The following THSD4 variants were observed in gnomAD, a reference collection of about 807,000 sequenced individuals.
THSD4 encodes thrombospondin type 1 domain containing 4.
In THSD4, 69 loss-of-function variants were observed where a neutral mutation model predicts 119.0. That is an observed-to-expected ratio of 0.58 (90% CI 0.48 to 0.71). The LOEUF (loss-of-function observed/expected upper bound fraction) is 0.71. Ranked by LOEUF, THSD4 falls within the 30% of genes least tolerant of loss-of-function variation. The probability of loss-of-function intolerance (pLI) is 0.00; values close to 1 mark genes in which losing one functional copy is unlikely to be tolerated. For synonymous variants in THSD4, 524 were observed against 540.4 expected (o/e 0.97, Z 0.42); for missense variants, 1,393 against 1,391.1 (o/e 1.00, Z -0.02).
intron 7 of THSD4, among the ~76,000 whole-genome samples, chr15:71,566,102 AAAT>A (rs2049231064): frequency 6.6e-6 from 1 of 152,090 alleles, no homozygotes; most frequent in Non-Finnish European, 1.5e-5. Context: ...GCTTAAAGAA[AAAT>A]AATGACTAAA....
intron 3 of THSD4, chr15:71,165,228 C>G: frequency 1.9e-6 from 3 of 1,553,086 alleles, no homozygotes; most frequent in Non-Finnish European, 2.7e-6. Flanking sequence ...TCCACCTTTG[C>G]CATATCTTGA....
At chr15:71,655,220 A>C (rs1158499692) in intron 7 of THSD4, among the ~76,000 whole-genome samples, 1 of 152,222 alleles carries the variant, frequency 6.6e-6, no homozygotes, top group Non-Finnish European at 1.5e-5. Flanking sequence ...ACATAAAATA[A>C]AGGTAGATCA....
At chr15:71,241,505 C>A (rs1469509240) in intron 4 of THSD4, among the ~76,000 whole-genome samples, 1 of 152,160 alleles carries the variant, frequency 6.6e-6, no homozygotes, top group East Asian at 1.9e-4. Context: ...GTCTTGAAAA[C>A]TATGGATGAT....
intron 6 of THSD4, among the ~76,000 whole-genome samples, chr15:71,376,172 C>T (rs921482580): frequency 3.3e-5 from 5 of 152,108 alleles, no homozygotes; most frequent in African/African-American, 9.7e-5. Flanking sequence ...AGGAGGAGTA[C>T]TCACATCCTT....
intron 7 of THSD4, among the ~76,000 whole-genome samples, chr15:71,579,719 TC>T (rs1381106042): frequency 1.3e-5 from 2 of 152,170 alleles, no homozygotes; most frequent in African/African-American, 4.8e-5. Context: ...TTTATAGCTT[TC>T]AAAATATTGG....
chr15:71,773,935 T>C (rs2053867027), intron 17 of THSD4, among the ~76,000 whole-genome samples: 1 of 152,082 alleles, frequency 6.6e-6, no homozygotes, highest in African/African-American at 2.4e-5. Flanking sequence ...GACAGAAAAT[T>C]AAATCCCCAA....
chr15:71,114,884 C>T (rs117314076), upstream of THSD4: 1,805 of 152,358 alleles, frequency 0.012, 18 homozygotes, highest in Non-Finnish European at 0.02. Context: ...GGGCTCTTGT[C>T]CTTTCCCCTT....
intron 7 of THSD4, among the ~76,000 whole-genome samples, chr15:71,495,849 A>C (rs1285993789): frequency 6.6e-6 from 1 of 152,220 alleles, no homozygotes; most frequent in Non-Finnish European, 1.5e-5. Context: ...GCTTCACCTC[A>C]GGAAAAGACC....
intron 4 of THSD4, among the ~76,000 whole-genome samples, chr15:71,237,599 G>A (rs1375585560): frequency 2.6e-5 from 4 of 152,186 alleles, no homozygotes; most frequent in Non-Finnish European, 4.4e-5. Flanking sequence ...TAGACCCGCT[G>A]AAGCAGAAGC....
chr15:71,102,205 T>C (rs908357782), intron 1 of THSD4, among the ~76,000 whole-genome samples: 1 of 152,296 alleles, frequency 6.6e-6, no homozygotes, highest in African/African-American at 2.4e-5. Context: ...TGTGTGGATG[T>C]CTTTGATTTT....
At chr15:71,638,836 A>G (rs898564873) in intron 7 of THSD4, among the ~76,000 whole-genome samples, 1 of 152,224 alleles carries the variant, frequency 6.6e-6, no homozygotes, top group East Asian at 1.9e-4. Context: ...ACAAAATATC[A>G]GTGGCTTAAT....
chr15:71,132,835 C>T (rs369064660), intron 1 of THSD4, among the ~76,000 whole-genome samples: 1 of 152,222 alleles, frequency 6.6e-6, no homozygotes, highest in African/African-American at 2.4e-5. Flanking sequence ...CACAGATGTA[C>T]ACACGTGCTC....
At chr15:71,634,962 C>T (rs2050711390) in intron 7 of THSD4, among the ~76,000 whole-genome samples, 1 of 152,166 alleles carries the variant, frequency 6.6e-6, no homozygotes, top group South Asian at 2.1e-4. Flanking sequence ...GGTTTGCTGC[C>T]ATTGTTTGCC....
At chr15:71,596,530 C>T (rs2049910414) in intron 7 of THSD4, among the ~76,000 whole-genome samples, 1 of 152,156 alleles carries the variant, frequency 6.6e-6, no homozygotes, top group Non-Finnish European at 1.5e-5. Flanking sequence ...TCCATAGTAT[C>T]AACTTAACAC....
At chr15:71,236,457 A>C (rs2044106237) in intron 4 of THSD4, among the ~76,000 whole-genome samples, 1 of 152,232 alleles carries the variant, frequency 6.6e-6, no homozygotes, top group African/African-American at 2.4e-5. Context: ...TGATACCAGA[A>C]ATGCTCTCAC....
At chr15:71,630,523 A>C (rs149284533) in intron 7 of THSD4, among the ~76,000 whole-genome samples, 61 of 152,312 alleles carry the variant, frequency 4.0e-4, no homozygotes, top group African/African-American at 1.4e-3. Flanking sequence ...TGACTGTGCA[A>C]TAGAATACAA....
At position 71,631,240 on chromosome 15, in the gene THSD4, G is replaced by T. The variant is rs139804177; in HGVS notation, c.1153-29290G>T. On this transcript the variant is annotated intron_variant, in intron 7 of 17. Transcript: ENST00000261862. ...AGTCATGCAGAGTCCTGTGGGTAAG[G>T]CCTGGGCATCAGTAGCTTTTCAAAG... Among the ~76,000 whole-genome samples the T allele has an allele frequency of 3.7e-4, 56 of 152,322 alleles. 1 individual carries two copies. The East Asian group carries it at 9.3e-3, about 25-fold the overall frequency.
chr15:71,277,023 T>C (rs1040230292), intron 6 of THSD4, among the ~76,000 whole-genome samples: 9 of 152,104 alleles, frequency 5.9e-5, no homozygotes, highest in African/African-American at 2.2e-4. Flanking sequence ...ATTAAATAGG[T>C]TTAATTCTTT....
chr15:71,362,059 T>G (rs770828242), intron 6 of THSD4, among the ~76,000 whole-genome samples: 2 of 152,206 alleles, frequency 1.3e-5, no homozygotes, highest in African/African-American at 4.8e-5. Flanking sequence ...GGTAGATCAC[T>G]TGAGGTCAGG....
Sources: gnomAD v4.1 joint callset for allele counts (sites outside exome capture counted in the v4.1 genomes callset) on GRCh38, gnomAD v4.1.1 for gene constraint, MANE v1.5 for transcripts, NCBI Gene and HGNC (gene_info 2026-07-23, HGNC 2026-07-21) for gene names.